The following POFUT3 variants were observed in gnomAD, a reference collection of about 807,000 sequenced individuals.
POFUT3 encodes protein O-fucosyltransferase 3.
the POFUT3 span, among the ~76,000 whole-genome samples, chr8:33,451,296 C>T: frequency 2.0e-5 from 3 of 151,994 alleles, no homozygotes; most frequent in East Asian, 1.9e-4. Flanking sequence ...GTTTTGGATT[C>T]GGGGGCATTT....
At chr8:33,308,575 A>G in the POFUT3 span, among the ~76,000 whole-genome samples, 1 of 152,326 alleles carries the variant, frequency 6.6e-6, no homozygotes, top group East Asian at 1.9e-4. Context: ...TTTGAACTCA[A>G]TTGAACATGG....
chr8:33,469,803 CT>C, the POFUT3 span, among the ~76,000 whole-genome samples: 7 of 108,780 alleles, frequency 6.4e-5, no homozygotes, highest in East Asian at 2.9e-4. Context: ...TTTACTTTTT[CT>C]TTTTTTTTTT....
chr8:33,442,400 G>A, the POFUT3 span, among the ~76,000 whole-genome samples: 1 of 151,786 alleles, frequency 6.6e-6, no homozygotes, highest in Non-Finnish European at 1.5e-5. Flanking sequence ...CCATTCTCCC[G>A]CCTCAGCCTC....
chr8:33,389,506 T>G, the POFUT3 span: 2 of 1,614,068 alleles, frequency 1.2e-6, no homozygotes. Context: ...TGTCTGATGG[T>G]GGGTCACAGT....
the POFUT3 span, among the ~76,000 whole-genome samples, chr8:33,361,827 TC>T: frequency 6.6e-6 from 1 of 152,202 alleles, no homozygotes; most frequent in East Asian, 1.9e-4. Context: ...TTTCCGTGTT[TC>T]CCAATTGAAA....
At chr8:33,357,909 C>T in the POFUT3 span, among the ~76,000 whole-genome samples, 2 of 152,080 alleles carry the variant, frequency 1.3e-5, no homozygotes, top group Admixed American at 1.3e-4. Context: ...GTCCATGAAC[C>T]TAATCATGAG....
the POFUT3 span, among the ~76,000 whole-genome samples, chr8:33,394,750 TTA>T: frequency 6.6e-6 from 1 of 152,054 alleles, no homozygotes; most frequent in Non-Finnish European, 1.5e-5. Flanking sequence ...AGCACAGAAT[TTA>T]AAGCAGAGAC....
the POFUT3 span, among the ~76,000 whole-genome samples, chr8:33,415,388 C>T: frequency 2.0e-5 from 3 of 152,144 alleles, no homozygotes; most frequent in African/African-American, 7.2e-5. Flanking sequence ...AGTGGAGAAG[C>T]TGCTTTGGAG....
chr8:33,317,672 T>G, the POFUT3 span, among the ~76,000 whole-genome samples: 1 of 152,214 alleles, frequency 6.6e-6, no homozygotes, highest in South Asian at 2.1e-4. Context: ...CCAATTCTCT[T>G]TGCTGGTTGC....
the POFUT3 span, among the ~76,000 whole-genome samples, chr8:33,402,883 A>C: frequency 6.6e-6 from 1 of 151,772 alleles, no homozygotes; most frequent in African/African-American, 2.4e-5. Flanking sequence ...ACATAGGGAG[A>C]CCTGTCTCTA....
chr8:33,461,755 G>T, the POFUT3 span: 1 of 935,322 alleles, frequency 1.1e-6, no homozygotes, highest in Non-Finnish European at 1.5e-6. Context: ...TTTAGCCATA[G>T]CGCAGATTTA....
the POFUT3 span, among the ~76,000 whole-genome samples, chr8:33,320,595 C>T: frequency 5.3e-5 from 8 of 152,132 alleles, no homozygotes; most frequent in East Asian, 3.9e-4. Context: ...AGGTAGTTTT[C>T]GGTTGAGATC....
At chr8:33,423,194 C>T in the POFUT3 span, among the ~76,000 whole-genome samples, 3 of 152,126 alleles carry the variant, frequency 2.0e-5, no homozygotes, top group African/African-American at 7.2e-5. Context: ...CACTGGTATT[C>T]ACTTGATTAA....
At chr8:33,404,355 A>G in the POFUT3 span, among the ~76,000 whole-genome samples, 3 of 151,868 alleles carry the variant, frequency 2.0e-5, no homozygotes, top group South Asian at 6.2e-4. Context: ...AAAAAAAAGA[A>G]AAAGAAAAAG....
chr8:33,386,773 G>A, the POFUT3 span, among the ~76,000 whole-genome samples: 2 of 152,032 alleles, frequency 1.3e-5, no homozygotes, highest in East Asian at 1.9e-4. Context: ...TCACGCCACC[G>A]CACTCCAGCC....
At chr8:33,467,710 C>G in the POFUT3 span, among the ~76,000 whole-genome samples, 1 of 152,218 alleles carries the variant, frequency 6.6e-6, no homozygotes, top group Non-Finnish European at 1.5e-5. Context: ...GCAACACTTT[C>G]ATCCTAAAAT....
At chr8:33,407,308 C>T in the POFUT3 span, among the ~76,000 whole-genome samples, 1 of 152,172 alleles carries the variant, frequency 6.6e-6, no homozygotes, top group Non-Finnish European at 1.5e-5. Context: ...ACAATGCCTT[C>T]TAATTCAGCT....
chr8:33,460,671 G>A, the POFUT3 span: 641 of 955,394 alleles, frequency 6.7e-4, 1 homozygote, highest in African/African-American at 0.011. Context: ...TTTACTTCCT[G>A]TTTCTCTACA....
the POFUT3 span, among the ~76,000 whole-genome samples, chr8:33,325,395 T>C: frequency 6.6e-6 from 1 of 152,242 alleles, no homozygotes; most frequent in South Asian, 2.1e-4. Flanking sequence ...TTATCAATTA[T>C]GATTTGTCCT....
Sources: allele counts gnomAD v4.1 joint callset (sites outside exome capture counted in the v4.1 genomes callset), GRCh38; gene constraint gnomAD v4.1.1; transcripts MANE v1.5; gene names NCBI Gene and HGNC (gene_info 2026-07-23, HGNC 2026-07-21).